SLC9D1: variants seen among roughly 807,000 people sequenced by gnomAD.
SLC9D1 encodes solute carrier family 9 member D1.
At chr13:113,494,697 A>C in the SLC9D1 span, among the ~76,000 whole-genome samples, 1 of 152,124 alleles carries the variant, frequency 6.6e-6, no homozygotes, top group Admixed American at 6.5e-5. Flanking sequence ...TCTTGGTAGC[A>C]CTTGACTGTA....
chr13:113,531,225 C>A, the SLC9D1 span, among the ~76,000 whole-genome samples: 8 of 152,368 alleles, frequency 5.3e-5, 1 homozygote, highest in South Asian at 1.7e-3. Flanking sequence ...TGCGTCCCGC[C>A]AGGGAGCCCT....
At chr13:113,517,290 C>A in the SLC9D1 span, among the ~76,000 whole-genome samples, 1 of 152,100 alleles carries the variant, frequency 6.6e-6, no homozygotes, top group African/African-American at 2.4e-5. Flanking sequence ...TGGAGTGCAA[C>A]GGCACAATTT....
chr13:113,545,608 C>G, the SLC9D1 span: 3 of 151,702 alleles, frequency 2.0e-5, no homozygotes, highest in Non-Finnish European at 4.4e-5. Context: ...TTAGCTCAGG[C>G]AGGGGTGGAG....
the SLC9D1 span, among the ~76,000 whole-genome samples, chr13:113,546,192 C>T: frequency 6.6e-6 from 1 of 152,074 alleles, no homozygotes; most frequent in African/African-American, 2.4e-5. This position sits in a 1 kb window ranked among gnomAD's most constrained non-coding sequence, Gnocchi z 7.1. Flanking sequence ...ACCAGTGTGG[C>T]CAAAGGCAGC....
chr13:113,534,160 C>G, the SLC9D1 span: 6 of 1,604,834 alleles, frequency 3.7e-6, no homozygotes, highest in Non-Finnish European at 5.1e-6. Flanking sequence ...ACCCTATTAT[C>G]GGAAGCTGCA....
chr13:113,503,866 C>T, the SLC9D1 span: 2 of 375,268 alleles, frequency 5.3e-6, no homozygotes, highest in Non-Finnish European at 9.7e-6. Context: ...ATAGATGGCT[C>T]CCTCTAAGGT....
chr13:113,510,516 T>G, the SLC9D1 span: 4 of 1,261,636 alleles, frequency 3.2e-6, no homozygotes, highest in South Asian at 5.7e-5. Context: ...GAGGAAAAAT[T>G]GCAAAGTCTT....
the SLC9D1 span, among the ~76,000 whole-genome samples, chr13:113,519,311 G>T: frequency 6.6e-6 from 1 of 150,954 alleles, no homozygotes; most frequent in South Asian, 2.1e-4. Context: ...CTCCCAAAGT[G>T]CTGGGATTAC....
the SLC9D1 span, chr13:113,524,135 G>A: frequency 5.9e-5 from 27 of 456,480 alleles, 1 homozygote; most frequent in South Asian, 4.0e-4. Context: ...TCAGTTAACT[G>A]CGCTATTTCG....
chr13:113,501,220 A>G, the SLC9D1 span, among the ~76,000 whole-genome samples: 1 of 152,254 alleles, frequency 6.6e-6, no homozygotes, highest in Non-Finnish European at 1.5e-5. Context: ...TTTGCTGTAT[A>G]GTCAGCCCTC....
the SLC9D1 span, chr13:113,550,025 G>C: frequency 4.4e-6 from 1 of 227,524 alleles, no homozygotes; most frequent in South Asian, 7.3e-5. Flanking sequence ...GATTCTTAAA[G>C]CCTATGTTTT....
At chr13:113,539,627 A>G in the SLC9D1 span, 5 of 1,079,270 alleles carry the variant, frequency 4.6e-6, no homozygotes, top group Non-Finnish European at 6.6e-6. The surrounding 1 kb of genome is among the most constrained non-coding windows in gnomAD (Gnocchi z 4.8). Flanking sequence ...AATTAAGTGT[A>G]TTCAGCATAT....
chr13:113,528,723 A>G, the SLC9D1 span: 1 of 146,946 alleles, frequency 6.8e-6, no homozygotes, highest in African/African-American at 2.7e-5. Flanking sequence ...GGTCCTTATG[A>G]TAAGAGGGTC....
chr13:113,513,414 C>G, the SLC9D1 span, among the ~76,000 whole-genome samples: 1 of 152,046 alleles, frequency 6.6e-6, no homozygotes, highest in Non-Finnish European at 1.5e-5. Flanking sequence ...GAAGGTGATA[C>G]ATTTAGTCAG....
chr13:113,531,586 G>C, the SLC9D1 span, among the ~76,000 whole-genome samples: 1 of 145,058 alleles, frequency 6.9e-6, no homozygotes, highest in Non-Finnish European at 1.5e-5. Flanking sequence ...CGTACATGCA[G>C]ATCAAGAGCA....
chr13:113,538,865 T>C, the SLC9D1 span, among the ~76,000 whole-genome samples: 2 of 152,228 alleles, frequency 1.3e-5, no homozygotes, highest in Non-Finnish European at 2.9e-5. Context: ...GGCGCGCTGA[T>C]GTGGCTGCAA....
chr13:113,546,498 C>T, the SLC9D1 span, among the ~76,000 whole-genome samples: 32,045 of 152,034 alleles, frequency 0.21, 4,632 homozygotes, highest in African/African-American at 0.42. The surrounding 1 kb of genome is among the most constrained non-coding windows in gnomAD (Gnocchi z 7.1). Flanking sequence ...AAGAGAACCC[C>T]GGGTCGTGGC....
chr13:113,524,519 A>G, the SLC9D1 span, among the ~76,000 whole-genome samples: 1 of 151,966 alleles, frequency 6.6e-6, no homozygotes, highest in Non-Finnish European at 1.5e-5. Context: ...ATTTTTTAGT[A>G]GAGACAAGGT....
chr13:113,498,368 G>A, the SLC9D1 span: 11 of 1,557,784 alleles, frequency 7.1e-6, no homozygotes, highest in Non-Finnish European at 9.5e-6. Context: ...TGGAACTTCT[G>A]GCAGCAGAAA....
Sources: gnomAD v4.1 joint callset for allele counts (sites outside exome capture counted in the v4.1 genomes callset) on GRCh38, gnomAD v4.1.1 for gene constraint, Gnocchi (gnomAD v3.1) non-coding constraint, MANE v1.5 for transcripts, NCBI Gene and HGNC (gene_info 2026-07-23, HGNC 2026-07-21) for gene names.